The following ATRNL1 variants were observed in gnomAD, a reference collection of about 807,000 sequenced individuals.
ATRNL1 encodes attractin-like protein 1.
Under a neutral mutation model 182.7 loss-of-function variants are expected in ATRNL1, and 95 were observed. The observed-to-expected ratio is 0.52, with a 90% CI of 0.44 to 0.62. ATRNL1 has a LOEUF of 0.62. Ranked by LOEUF, ATRNL1 falls within the 20% of genes least tolerant of loss-of-function variation. ATRNL1 has a pLI of 0.00. For synonymous variants in ATRNL1, 576 were observed against 568.3 expected (o/e 1.01, Z -0.19); for missense variants, 1,471 against 1,679.5 (o/e 0.88, Z 2.17).
At chr10:115,365,943 A>G (rs1362779071) in intron 19 of ATRNL1, among the ~76,000 whole-genome samples, 1 of 152,182 alleles carries the variant, frequency 6.6e-6, no homozygotes, top group Non-Finnish European at 1.5e-5. Flanking sequence ...ACTTCCAAGT[A>G]TGTGGTCAAT....
At chr10:115,673,829 G>C (rs139556290) in intron 26 of ATRNL1, among the ~76,000 whole-genome samples, 456 of 152,146 alleles carry the variant, frequency 3.0e-3, no homozygotes, top group Non-Finnish European at 3.1e-3. Flanking sequence ...AAGAATTCAT[G>C]TGTGTTCCTT....
intron 28 of ATRNL1, among the ~76,000 whole-genome samples, chr10:115,912,699 T>A (rs530230821): frequency 2.6e-5 from 4 of 151,768 alleles, no homozygotes; most frequent in South Asian, 2.1e-4. Context: ...AAAAAAAAAA[T>A]TCCATGAATT....
chr10:115,518,205 G>A (rs1469506382), intron 24 of ATRNL1, among the ~76,000 whole-genome samples: 9 of 151,800 alleles, frequency 5.9e-5, no homozygotes, highest in African/African-American at 2.2e-4. Flanking sequence ...TTCACTCAGG[G>A]ATCATAATCT....
chr10:115,096,544 A>T, intron 1 of ATRNL1: 1 of 627,510 alleles, frequency 1.6e-6, no homozygotes. Context: ...AAGGATAGCA[A>T]CCTTACAAAC....
chr10:115,300,015 C>G lies in ATRNL1; in HGVS notation c.2416-19C>G. 1 of 1,576,080 alleles carries G rather than the reference C, an allele frequency of 6.3e-7. No homozygotes were observed. Among genetic ancestry groups the G allele is most frequent in the African/African-American group, 1.3e-5 (1 of 74,100 alleles). Reference sequence around the variant, plus strand: ...TACATCTAACTTTCTTTGAATGCCCCTTTTCCTGTTGTTTACAGAAAGTAT... The same window carrying G: ...TACATCTAACTTTCTTTGAATGCCCGTTTTCCTGTTGTTTACAGAAAGTAT... On this transcript the variant is annotated intron_variant, in intron 15 of 28. Transcript: ENST00000355044.
At chr10:115,223,930 T>TATATATATA (rs1491447423) in intron 9 of ATRNL1, among the ~76,000 whole-genome samples, 10 of 37,240 alleles carry the variant, frequency 2.7e-4, no homozygotes, top group African/African-American at 1.1e-3. Context: ...TATATATATA[T>TATATATATA]TTTTTTTTTT....
intron 14 of ATRNL1, among the ~76,000 whole-genome samples, chr10:115,283,928 C>T (rs868960772): frequency 6.6e-6 from 1 of 152,122 alleles, no homozygotes; most frequent in African/African-American, 2.4e-5. Context: ...TGCACAAATT[C>T]TCTTTTCTTA....
chr10:115,604,627 C>A (rs1856779674), intron 26 of ATRNL1, among the ~76,000 whole-genome samples: 2 of 152,130 alleles, frequency 1.3e-5, no homozygotes, highest in African/African-American at 4.8e-5. Context: ...CCTCTTACTC[C>A]TTAAGTCAGT....
At chr10:115,150,748 A>T (rs1483690541) in intron 5 of ATRNL1, among the ~76,000 whole-genome samples, 2 of 152,092 alleles carry the variant, frequency 1.3e-5, no homozygotes, top group Non-Finnish European at 2.9e-5. Context: ...TTATACTTTA[A>T]GTTCTAGGAC....
chr10:115,533,470 G>C (rs1292584259), intron 25 of ATRNL1, among the ~76,000 whole-genome samples: 1 of 151,666 alleles, frequency 6.6e-6, no homozygotes, highest in South Asian at 2.1e-4. Flanking sequence ...ATTTTTTATT[G>C]TGTCTATTTG....
intron 24 of ATRNL1, among the ~76,000 whole-genome samples, chr10:115,514,275 C>T (rs530911452): frequency 7.9e-5 from 12 of 152,000 alleles, no homozygotes; most frequent in African/African-American, 2.9e-4. Context: ...TCTCTGAAAA[C>T]AAGCTGGAAT....
chr10:115,665,420 T>A (rs913405855), intron 26 of ATRNL1, among the ~76,000 whole-genome samples: 1 of 152,122 alleles, frequency 6.6e-6, no homozygotes, highest in African/African-American at 2.4e-5. Context: ...CAGTCAGTAC[T>A]CTTTTGGCCT....
At chr10:115,544,765 C>A (rs1554993161) in intron 25 of ATRNL1, among the ~76,000 whole-genome samples, 1 of 152,270 alleles carries the variant, frequency 6.6e-6, no homozygotes, top group Middle Eastern at 3.4e-3. Context: ...TTCACATGGT[C>A]ATTTAAGAAA....
At chr10:115,705,638 A>T (rs1271254191) in intron 26 of ATRNL1, among the ~76,000 whole-genome samples, 1 of 151,896 alleles carries the variant, frequency 6.6e-6, no homozygotes, top group African/African-American at 2.4e-5. Flanking sequence ...ATTGTCTTTT[A>T]CTGTAAGATT....
At chr10:115,323,975 C>T (rs1479212420) in intron 18 of ATRNL1, among the ~76,000 whole-genome samples, 1 of 150,846 alleles carries the variant, frequency 6.6e-6, no homozygotes, top group Admixed American at 6.6e-5. Flanking sequence ...GATGGGGTTT[C>T]ACCGTGTTAG....
intron 26 of ATRNL1, among the ~76,000 whole-genome samples, chr10:115,675,855 A>C (rs560706908): frequency 7.9e-5 from 12 of 152,106 alleles, no homozygotes; most frequent in Non-Finnish European, 1.6e-4. Flanking sequence ...CATATCTTAA[A>C]GATGAAGCAT....
intron 10 of ATRNL1, among the ~76,000 whole-genome samples, chr10:115,260,470 C>G (rs1283151115): frequency 2.0e-5 from 3 of 152,154 alleles, no homozygotes; most frequent in Non-Finnish European, 4.4e-5. Flanking sequence ...TGATCAGAAT[C>G]CCAGAGGTCA....
At chr10:115,776,650 C>T (rs764379326) in intron 27 of ATRNL1, among the ~76,000 whole-genome samples, 10 of 151,470 alleles carry the variant, frequency 6.6e-5, no homozygotes, top group Admixed American at 1.3e-4. Context: ...TTTGAAGAGA[C>T]CTGTGTGCAA....
Position 115,709,890 on chromosome 10 carries a change from T to C in ATRNL1, c.3796-17358T>C, listed in dbSNP as rs1947013043. 2.0e-5 allele frequency among the ~76,000 whole-genome samples: 3 copies of C among 152,166 alleles called. No homozygotes were observed. In the South Asian group the frequency reaches 6.2e-4, roughly 32 times the overall value. On this transcript the variant is annotated intron_variant, in intron 26 of 28. Transcript: ENST00000355044. ...TTTATGCTACTTACTTGACAACTGA[T>C]TGAACACTTGTAATTCTGAGTTGTT...
Sources: allele counts gnomAD v4.1 joint callset (sites outside exome capture counted in the v4.1 genomes callset), GRCh38; gene constraint gnomAD v4.1.1; transcripts MANE v1.5; gene names NCBI Gene and HGNC (gene_info 2026-07-23, HGNC 2026-07-21).